The following EHBP1 variants were observed in gnomAD, a reference collection of about 807,000 sequenced individuals.
The protein encoded by EHBP1 is EH domain binding protein 1.
A neutral mutation model predicts 144.0 loss-of-function variants in EHBP1; 55 were observed. The observed-to-expected ratio is 0.38, with a 90% CI of 0.31 to 0.48. The LOEUF (loss-of-function observed/expected upper bound fraction) is 0.48, where lower values mean the gene tolerates loss of function less well. Ranked by LOEUF, EHBP1 falls within the 20% of genes least tolerant of loss-of-function variation. EHBP1 has a pLI of 0.98. For synonymous variants in EHBP1, 469 were observed against 472.7 expected, an observed-to-expected ratio of 0.99 and a Z score of 0.10; for missense variants, 1,200 against 1,364.2, an observed-to-expected ratio of 0.88 and a Z score of 1.90.
chr2:62,807,264 A>G (rs2044593313), intron 5 of EHBP1, among the ~76,000 whole-genome samples: 1 of 152,204 alleles, frequency 6.6e-6, no homozygotes, highest in South Asian at 2.1e-4. Flanking sequence ...ATAAGAAAAA[A>G]TGGCTGGGCG....
intron 14 of EHBP1, among the ~76,000 whole-genome samples, chr2:62,960,805 GT>G (rs2057962413): frequency 6.6e-6 from 1 of 152,202 alleles, no homozygotes; most frequent in African/African-American, 2.4e-5. Context: ...GGAAGTTAGT[GT>G]TCCCTTGTCT....
chr2:62,752,636 G>C (rs1436465872), intron 3 of EHBP1, among the ~76,000 whole-genome samples: 1 of 152,110 alleles, frequency 6.6e-6, no homozygotes, highest in Non-Finnish European at 1.5e-5. Context: ...AGGTCTCTAA[G>C]GACTTGCTTT....
intron 4 of EHBP1, among the ~76,000 whole-genome samples, chr2:62,765,393 G>A (rs2041100246): frequency 6.6e-6 from 1 of 152,036 alleles, no homozygotes; most frequent in Admixed American, 6.6e-5. Context: ...TGTATATGGT[G>A]CTGTTAAATA....
intron 5 of EHBP1, among the ~76,000 whole-genome samples, chr2:62,823,030 C>T (rs1215615100): frequency 6.6e-6 from 1 of 151,914 alleles, no homozygotes; most frequent in Non-Finnish European, 1.5e-5. Flanking sequence ...TCAGAATTGC[C>T]TGGTAGTAGT....
chr2:62,972,769 A>C (rs552585452), intron 14 of EHBP1, among the ~76,000 whole-genome samples: 3 of 152,194 alleles, frequency 2.0e-5, no homozygotes, highest in African/African-American at 7.2e-5. Context: ...AATTCTGTCA[A>C]TCAGGCTCAA....
chr2:62,984,361 A>G (rs1048502471), intron 15 of EHBP1, among the ~76,000 whole-genome samples: 1 of 152,156 alleles, frequency 6.6e-6, no homozygotes, highest in Admixed American at 6.5e-5. Flanking sequence ...ACTGGAATGC[A>G]TTTTTACATT....
intron 3 of EHBP1, among the ~76,000 whole-genome samples, chr2:62,750,033 G>C (rs957541805): frequency 6.6e-6 from 1 of 152,118 alleles, no homozygotes; most frequent in African/African-American, 2.4e-5. Flanking sequence ...ATTGCTTTTG[G>C]TGTTTTAGAC....
rs79757248 is a variant in EHBP1 at position 62,693,729 on chromosome 2, G to C, written c.-295-13168G>C. Reference sequence around the variant, plus strand: ...AACAATAGAACATATTCCTTCTAGTGAATTTTATTTTTGTATCCATTAACC... The same window carrying C: ...AACAATAGAACATATTCCTTCTAGTCAATTTTATTTTTGTATCCATTAACC... On this transcript the variant is annotated intron_variant, in intron 1 of 22. Coordinates refer to the EHBP1 transcript ENST00000405015. Among the ~76,000 whole-genome samples the C allele has an allele frequency of 3.7e-3, 568 of 152,142 alleles. 4 individuals carry two copies. Among genetic ancestry groups the C allele is most frequent in the African/African-American group, 0.013 (547 of 41,514 alleles).
intron 5 of EHBP1, among the ~76,000 whole-genome samples, chr2:62,817,530 C>T (rs2045535897): frequency 6.6e-6 from 1 of 152,110 alleles, no homozygotes; most frequent in Admixed American, 6.5e-5. Flanking sequence ...GATATAGGGC[C>T]TGTCGGTCCA....
chr2:62,733,174 T>A lies in EHBP1; in HGVS notation c.105-14221T>A, dbSNP rs150470964. Reference sequence around the variant, plus strand: ...ATTTTTTGTTGAAAGCTGGAAATGATGTACTGGGTATGTGAAATTGAGATA... The same window carrying A: ...ATTTTTTGTTGAAAGCTGGAAATGAAGTACTGGGTATGTGAAATTGAGATA... On this transcript the variant is annotated intron_variant, in intron 2 of 22. Transcript: ENST00000431489. 2.6e-4 allele frequency among the ~76,000 whole-genome samples: 39 copies of A among 152,352 alleles called. No individual in the cohort carries two copies. In the East Asian group the frequency reaches 5.8e-3, roughly 23 times the overall value.
intron 3 of EHBP1, among the ~76,000 whole-genome samples, chr2:62,760,261 T>C (rs1451843993): frequency 6.6e-6 from 1 of 152,186 alleles, no homozygotes; most frequent in Non-Finnish European, 1.5e-5. Context: ...ACTGTACTCA[T>C]TGTCAGCTAT....
intron 8 of EHBP1, among the ~76,000 whole-genome samples, chr2:62,860,803 T>C (rs935904889): frequency 3.3e-5 from 5 of 152,068 alleles, no homozygotes; most frequent in African/African-American, 1.2e-4. Flanking sequence ...TAAAAGAGAG[T>C]GGCAGACAAC....
chr2:62,732,689 G>T (rs1031896181), intron 2 of EHBP1, among the ~76,000 whole-genome samples: 1 of 152,158 alleles, frequency 6.6e-6, no homozygotes, highest in Non-Finnish European at 1.5e-5. Context: ...TTCCTGTAAA[G>T]CCTGTGGAAC....
At chr2:62,705,476 T>G (rs2034454501), upstream of EHBP1, among the ~76,000 whole-genome samples, 2 of 151,844 alleles carry the variant, frequency 1.3e-5, no homozygotes, top group Non-Finnish European at 2.9e-5. Flanking sequence ...GGGATCGTCC[T>G]TAGTCGGTTC....
chr2:63,017,313 C>A (rs892371002), intron 19 of EHBP1, among the ~76,000 whole-genome samples: 1 of 152,174 alleles, frequency 6.6e-6, no homozygotes, highest in Non-Finnish European at 1.5e-5. Flanking sequence ...CATGAGCCAC[C>A]GTCCCCGGCC....
chr2:62,999,220 C>G (rs2059755922), intron 19 of EHBP1, among the ~76,000 whole-genome samples: 1 of 152,012 alleles, frequency 6.6e-6, no homozygotes, highest in Non-Finnish European at 1.5e-5. Context: ...GCTCTTGACT[C>G]AGTCCTCTTT....
chr2:62,830,439 T>A (rs1373795661), intron 6 of EHBP1, among the ~76,000 whole-genome samples: 1 of 152,120 alleles, frequency 6.6e-6, no homozygotes, highest in Non-Finnish European at 1.5e-5. Flanking sequence ...GGCACATATA[T>A]CTTCTTTTAA....
chr2:62,870,763 T>C (rs2050417292), intron 9 of EHBP1, among the ~76,000 whole-genome samples: 3 of 147,608 alleles, frequency 2.0e-5, no homozygotes, highest in Non-Finnish European at 4.5e-5. Flanking sequence ...ATTTAAAATA[T>C]ATATATGTAT....
intron 15 of EHBP1, among the ~76,000 whole-genome samples, chr2:62,982,681 C>G (rs1409301963): frequency 6.6e-6 from 1 of 152,048 alleles, no homozygotes; most frequent in Non-Finnish European, 1.5e-5. Flanking sequence ...AGCAGTAGTC[C>G]AGAGTGATAA....
Sources: gnomAD v4.1 joint callset for allele counts (sites outside exome capture counted in the v4.1 genomes callset) on GRCh38, gnomAD v4.1.1 for gene constraint, MANE v1.5 for transcripts, NCBI Gene and HGNC (gene_info 2026-07-23, HGNC 2026-07-21) for gene names.